RNF157: variants seen among roughly 807,000 people sequenced by gnomAD.
RNF157 encodes the protein E3 ubiquitin ligase RNF157.
A neutral mutation model predicts 88.3 loss-of-function variants in RNF157; 55 were observed. That is an observed-to-expected ratio of 0.62 (90% CI 0.50 to 0.78). RNF157 has a LOEUF of 0.78. Ranked by LOEUF, RNF157 falls within the 30% of genes least tolerant of loss-of-function variation. The pLI is 0.00. For synonymous variants in RNF157, 334 were observed against 341.2 expected (o/e 0.98, Z 0.23); for missense variants, 788 against 860.8 (o/e 0.92, Z 1.06).
intron 2 of RNF157, among the ~76,000 whole-genome samples, chr17:76,198,332 G>T (rs2069512346): frequency 6.6e-6 from 1 of 152,174 alleles, no homozygotes; most frequent in Admixed American, 6.5e-5. Flanking sequence ...CCTTGGATCT[G>T]ATATGTGCTG....
At chr17:76,226,106 T>C in intron 1 of RNF157, 5 of 1,601,758 alleles carry the variant, frequency 3.1e-6, no homozygotes, top group Non-Finnish European at 4.3e-6. Flanking sequence ...AGAGGGGCTA[T>C]GCTGAGGAGA....
chr17:76,154,054 C>T (rs1410745397), intron 17 of RNF157: 22 of 532,350 alleles, frequency 4.1e-5, no homozygotes, highest in Admixed American at 1.6e-4. Context: ...CTGCAGCACC[C>T]GCACCTGACA....
intron 1 of RNF157, among the ~76,000 whole-genome samples, chr17:76,225,378 T>C (rs780190622): frequency 6.6e-6 from 1 of 152,070 alleles, no homozygotes; most frequent in Non-Finnish European, 1.5e-5. Context: ...AAAATTAGTA[T>C]ATATAAGTTA....
At position 76,144,564 on chromosome 17, in the gene RNF157, C is replaced by T. The variant is rs1294966865; in HGVS notation, c.*671G>A. 1 of 152,344 alleles carries T rather than the reference C, an allele frequency of 6.6e-6. No homozygotes were observed. Among genetic ancestry groups the T allele is most frequent in the Non-Finnish European group, 1.5e-5 (1 of 68,140 alleles). 9.4% of individuals were successfully genotyped at this position (152,344 alleles called of 1,614,324 possible). The stretch of plus-strand genomic sequence containing the variant: ...TCTCATGATCCACCCGCCTCGGCCT[C>T]CCAAAGTGCTGGGATTACAGGCGTG... On this transcript the variant is annotated 3_prime_UTR_variant, in exon 19 of 19. Transcript: ENST00000269391.
At position 76,207,440 on chromosome 17, in the gene RNF157, T is replaced by A. The variant is rs187318715; in HGVS notation, c.207+4924A>T. 6.1e-3 allele frequency among the ~76,000 whole-genome samples: 924 copies of A among 151,934 alleles called. 10 individuals carry two copies. Among genetic ancestry groups the A allele is most frequent in the African/African-American group, 0.021 (878 of 41,446 alleles). On this transcript the variant is annotated intron_variant, in intron 2 of 18. Transcript: ENST00000269391. ...CCTATCTCTAGGGGAAAAAAAAAAA[T>A]TGGCTTTGATGGATTATCCTAAGTG...
chr17:76,169,866 C>CCA (rs2068988136), intron 3 of RNF157, among the ~76,000 whole-genome samples: 1 of 152,224 alleles, frequency 6.6e-6, no homozygotes, highest in Non-Finnish European at 1.5e-5. Context: ...TAGGCGTGAG[C>CCA]CACCGCACCT....
intron 5 of RNF157, 68 bp from the exon 6 acceptor site, chr17:76,166,595 C>T: frequency 8.0e-7 from 1 of 1,255,456 alleles, no homozygotes; most frequent in Admixed American, 1.7e-5. Flanking sequence ...CAGCTAATCT[C>T]AGAAAGGGCG....
intron 3 of RNF157, among the ~76,000 whole-genome samples, chr17:76,172,326 T>A (rs1293943964): frequency 2.6e-5 from 4 of 151,664 alleles, no homozygotes; most frequent in Non-Finnish European, 5.9e-5. Context: ...GTGCGGTGGC[T>A]CACGCCTGTA....
At chr17:76,151,063 T>C (rs1208051607) in intron 18 of RNF157, among the ~76,000 whole-genome samples, 2 of 152,168 alleles carry the variant, frequency 1.3e-5, no homozygotes, top group Admixed American at 6.5e-5. Context: ...AAGCAGCCCC[T>C]GGGCCCCAGC....
rs116679878 is a variant in RNF157, at chr17:76,170,038, G to A, written c.297-2241C>T. ...TGCACAGCAGGACTTGGGGATCCTG[G>A]GCTTCACTGTGGGCTGACCTGGATC... On this transcript the variant is annotated intron_variant, in intron 3 of 18. Transcript: ENST00000269391. 6.6e-3 allele frequency among the ~76,000 whole-genome samples: 998 copies of A among 152,254 alleles called. 7 individuals carry two copies. Among genetic ancestry groups the A allele is most frequent in the African/African-American group, 0.023 (935 of 41,546 alleles).
At chr17:76,204,604 C>T (rs544878955) in intron 2 of RNF157, among the ~76,000 whole-genome samples, 2 of 152,186 alleles carry the variant, frequency 1.3e-5, no homozygotes, top group Non-Finnish European at 2.9e-5. Flanking sequence ...AAGTGCAAAA[C>T]TCTATGTTAC....
At chr17:76,165,616 T>G in intron 6 of RNF157, 71 bp from the exon 7 acceptor site, 2 of 1,529,310 alleles carry the variant, frequency 1.3e-6, no homozygotes, top group Non-Finnish European at 1.8e-6. Flanking sequence ...CTTTCTCCAG[T>G]TCCCTGCAAT....
intron 3 of RNF157, among the ~76,000 whole-genome samples, chr17:76,168,293 T>TC (rs2068959846): frequency 6.6e-6 from 1 of 152,134 alleles, no homozygotes; most frequent in African/African-American, 2.4e-5. Context: ...AACTCCGCCA[T>TC]CCCCCCAGTG....
intron 1 of RNF157, among the ~76,000 whole-genome samples, chr17:76,233,403 A>G (rs1291195503): frequency 6.6e-6 from 1 of 152,118 alleles, no homozygotes; most frequent in African/African-American, 2.4e-5. Flanking sequence ...CCAATTTATT[A>G]TTATTTTTTA....
Position 76,146,913 on chromosome 17 carries a change from A to ACATGAC in RNF157, c.1922-1561_1922-1560insGTCATG. The ACATGAC allele has an allele frequency of 3.0e-6, 3 of 985,414 alleles. No individual in the cohort carries two copies. The highest frequency in any genetic ancestry group is 9.4e-5 in the South Asian group (2 of 21,286). 61.0% of individuals were successfully genotyped at this position (985,414 alleles called of 1,614,324 possible). Reference sequence around the variant, plus strand: ...GCCAGCCCAGGACATGAAACCCTTTAATGGCATGTAGAGTCAACAGGTATA... The same window carrying ACATGAC: ...GCCAGCCCAGGACATGAAACCCTTTACATGACATGGCATGTAGAGTCAACAGGTATA... On this transcript the variant is annotated intron_variant, in intron 18 of 18. Transcript: ENST00000269391. This position sits in a 1 kb window ranked among gnomAD's most constrained non-coding sequence, Gnocchi z 4.2.
rs1269973999 is a variant in RNF157, at chr17:76,187,602, A to AT, written c.208-13813dup. The stretch of plus-strand genomic sequence containing the variant: ...ATAGTTTTATTTTATTTATTTATTT[A>AT]TTTTTTTCTGAGACAGGTTCTCACT... On this transcript the variant is annotated intron_variant, in intron 2 of 18. Transcript: ENST00000269391. 4.0e-4 allele frequency among the ~76,000 whole-genome samples: 59 copies of AT among 148,624 alleles called. 1 individual carries two copies. The highest frequency in any genetic ancestry group is 1.2e-4 in the Non-Finnish European group (8 of 66,786).
intron 2 of RNF157, among the ~76,000 whole-genome samples, chr17:76,211,341 T>C (rs2069796667): frequency 6.6e-6 from 1 of 152,256 alleles, no homozygotes. Flanking sequence ...CCTGCACCTC[T>C]TCCCAGTGTA....
intron 1 of RNF157, among the ~76,000 whole-genome samples, chr17:76,228,875 G>T (rs1193502962): frequency 6.6e-6 from 1 of 151,972 alleles, no homozygotes; most frequent in African/African-American, 2.4e-5. Flanking sequence ...AGTGAGCTGA[G>T]ACTGCGCCAT....
Position 76,158,459 on chromosome 17 carries a change from A to ATCTTCC in RNF157, c.1341_1346dup (p.Glu447_Glu448dup). 2 of 1,612,898 alleles carry ATCTTCC rather than the reference A, an allele frequency of 1.2e-6. No homozygotes were observed. Among genetic ancestry groups the ATCTTCC allele is most frequent in the Non-Finnish European group, 1.7e-6 (2 of 1,178,872 alleles). ...TCTCCGACTCGCTGCAGGAATGCTC[A>ATCTTCC]TCTTCCTCTTCATGCAGCACGGAAG... On this transcript the variant is annotated inframe_insertion, in exon 13 of 19. Transcript: ENST00000269391.
Sources: gnomAD v4.1 joint callset for allele counts (sites outside exome capture counted in the v4.1 genomes callset) on GRCh38, gnomAD v4.1.1 for gene constraint, Gnocchi (gnomAD v3.1) non-coding constraint, MANE v1.5 for transcripts, NCBI Gene and HGNC (gene_info 2026-07-23, HGNC 2026-07-21) for gene names.